Variants in SORCS1 observed in about 807,000 individuals in gnomAD.
The protein encoded by SORCS1 is VPS10 domain-containing receptor SorCS1.
In SORCS1, 60 loss-of-function variants were observed where a neutral mutation model predicts 146.1. The observed-to-expected ratio is 0.41, with a 90% CI of 0.33 to 0.51. The LOEUF (loss-of-function observed/expected upper bound fraction) is 0.51, where lower values mean the gene tolerates loss of function less well. Among genes scored for constraint, SORCS1 ranks in the 20% least tolerant of loss-of-function variants. The probability of loss-of-function intolerance (pLI) is 0.21; values close to 1 mark genes in which losing one functional copy is unlikely to be tolerated. For synonymous variants in SORCS1, 637 were observed against 584.0 expected, an observed-to-expected ratio of 1.09 and a Z score of -1.31; for missense variants, 1,352 against 1,487.6, an observed-to-expected ratio of 0.91 and a Z score of 1.50.
rs58516423 is a variant in SORCS1 at position 107,038,696 on chromosome 10, C to CGGG, written c.559-82119_559-82117dup. ...CCCACCCCCAACCCTGGGCAGGGGGCGGGGGGGGAGGTGGTAGTGGTGAGG... is the reference window on the plus strand; with the variant it reads ...CCCACCCCCAACCCTGGGCAGGGGGCGGGGGGGGGGGAGGTGGTAGTGGTGAGG... On this transcript the variant is annotated intron_variant, in intron 1 of 25. Transcript: ENST00000263054. 3.4e-4 allele frequency among the ~76,000 whole-genome samples: 51 copies of CGGG among 149,976 alleles called. 1 individual carries two copies. In the East Asian group the frequency reaches 7.4e-3, roughly 22 times the overall value.
At chr10:106,727,824 T>C (rs565651644) in intron 6 of SORCS1, among the ~76,000 whole-genome samples, 2 of 152,066 alleles carry the variant, frequency 1.3e-5, no homozygotes, top group East Asian at 3.9e-4. Context: ...GTATTCCAGA[T>C]AGAGAAAACA....
chr10:106,934,386 T>C (rs1953587647), intron 2 of SORCS1, among the ~76,000 whole-genome samples: 1 of 150,284 alleles, frequency 6.7e-6, no homozygotes, highest in Admixed American at 6.6e-5. Context: ...GCCTCCTGTG[T>C]AGTTGGGACT....
intron 1 of SORCS1, among the ~76,000 whole-genome samples, chr10:107,029,136 C>T (rs1958533418): frequency 6.6e-6 from 1 of 152,198 alleles, no homozygotes; most frequent in Non-Finnish European, 1.5e-5. Context: ...TTGCTAGATG[C>T]TCTCTCATGG....
intron 6 of SORCS1, among the ~76,000 whole-genome samples, chr10:106,717,299 C>T (rs1010942390): frequency 6.6e-6 from 1 of 152,222 alleles, no homozygotes; most frequent in Non-Finnish European, 1.5e-5. Context: ...CACGCACACA[C>T]GTGTCAACAC....
chr10:106,813,453 T>C (rs967812503), intron 3 of SORCS1, among the ~76,000 whole-genome samples: 1 of 152,090 alleles, frequency 6.6e-6, no homozygotes. Flanking sequence ...ATTTCTGAAA[T>C]GCATTCCCTC....
chr10:106,620,711 C>A (rs1847686295), intron 19 of SORCS1, 150 bp from the exon 20 acceptor site: 2 of 947,058 alleles, frequency 2.1e-6, no homozygotes, highest in Non-Finnish European at 3.0e-6. Context: ...GCTTTCCCCA[C>A]TTTGGAGAAA....
chr10:107,066,624 C>T (rs1961882912), intron 1 of SORCS1, among the ~76,000 whole-genome samples: 2 of 152,138 alleles, frequency 1.3e-5, no homozygotes, highest in Non-Finnish European at 2.9e-5. Context: ...AGCTTTGACT[C>T]TCATCTTAAG....
chr10:106,850,132 C>A (rs1469496929), intron 2 of SORCS1, among the ~76,000 whole-genome samples: 1 of 151,804 alleles, frequency 6.6e-6, no homozygotes, highest in African/African-American at 2.4e-5. Context: ...AGCTTCCCGG[C>A]TGCTTTGTTT....
At chr10:107,141,048 T>C (rs1967792110) in intron 1 of SORCS1, among the ~76,000 whole-genome samples, 1 of 152,198 alleles carries the variant, frequency 6.6e-6, no homozygotes, top group African/African-American at 2.4e-5. Context: ...GTCTCTACAG[T>C]CCTCAGATTT....
Position 106,597,292 on chromosome 10 carries a change from C to T in SORCS1, c.3265+59G>A, listed in dbSNP as rs963635658. On this transcript the variant is annotated intron_variant, in intron 24 of 25. Transcript: ENST00000263054. ...TAGCCTTTTTATGAGGAAGGAAGCA[C>T]GGACTAGGATTCCCTTTGCCAGAGC... The T allele has an allele frequency of 4.0e-5, 54 of 1,364,702 alleles. No individual in the cohort carries two copies. The Middle Eastern group carries it at 5.4e-4, about 14-fold the overall frequency. The allele number at this position is 1,364,702 out of a possible 1,614,324, so 84.5% of individuals were successfully genotyped here.
chr10:106,640,697 G>C (rs1353805714), intron 18 of SORCS1, among the ~76,000 whole-genome samples: 1 of 152,192 alleles, frequency 6.6e-6, no homozygotes, highest in Non-Finnish European at 1.5e-5. Context: ...GGGAAGCTGA[G>C]TTATTGTGTT....
chr10:107,038,112 T>G (rs929018472), intron 1 of SORCS1, among the ~76,000 whole-genome samples: 1 of 152,198 alleles, frequency 6.6e-6, no homozygotes, highest in Non-Finnish European at 1.5e-5. Flanking sequence ...CGTGAGCCAC[T>G]GCACCCGGCC....
chr10:107,121,421 G>A (rs994916520), intron 1 of SORCS1, among the ~76,000 whole-genome samples: 2 of 152,112 alleles, frequency 1.3e-5, no homozygotes, highest in Non-Finnish European at 2.9e-5. Flanking sequence ...CAAAGACTTG[G>A]GTTCTCAAGG....
intron 1 of SORCS1, among the ~76,000 whole-genome samples, chr10:107,034,506 C>T (rs1958802243): frequency 6.6e-6 from 1 of 151,244 alleles, no homozygotes; most frequent in Non-Finnish European, 1.5e-5. Context: ...ATGGAGAAAC[C>T]CCATTTCTAT....
chr10:106,983,374 A>G (rs1956322356), intron 1 of SORCS1, among the ~76,000 whole-genome samples: 1 of 151,796 alleles, frequency 6.6e-6, no homozygotes, highest in African/African-American at 2.4e-5. Flanking sequence ...AGTTGCTTGT[A>G]TTATTTACAG....
chr10:106,844,514 A>T (rs1052115817), intron 2 of SORCS1, among the ~76,000 whole-genome samples: 2 of 151,020 alleles, frequency 1.3e-5, no homozygotes, highest in African/African-American at 2.4e-5. Context: ...ATACAATTTC[A>T]TTCTTTTGCA....
intron 1 of SORCS1, among the ~76,000 whole-genome samples, chr10:107,042,440 C>T (rs1959175115): frequency 6.6e-6 from 1 of 152,134 alleles, no homozygotes; most frequent in Admixed American, 6.5e-5. Flanking sequence ...AGTTTTCTCT[C>T]TTATGCTAAC....
intron 18 of SORCS1, among the ~76,000 whole-genome samples, chr10:106,635,057 G>A (rs954728936): frequency 2.6e-5 from 4 of 152,156 alleles, no homozygotes; most frequent in African/African-American, 9.7e-5. Context: ...GGGCATTGCT[G>A]ACGTCTAGAA....
intron 17 of SORCS1, among the ~76,000 whole-genome samples, chr10:106,655,076 C>G (rs1850181114): frequency 6.6e-6 from 1 of 152,150 alleles, no homozygotes; most frequent in Admixed American, 6.5e-5. Context: ...AGGCTGGTCT[C>G]AAACTCCTGG....
Sources: allele counts gnomAD v4.1 joint callset (sites outside exome capture counted in the v4.1 genomes callset), GRCh38; gene constraint gnomAD v4.1.1; transcripts MANE v1.5; gene names NCBI Gene and HGNC (gene_info 2026-07-23, HGNC 2026-07-21).